MSH3: variants seen among roughly 807,000 people sequenced by gnomAD.
The protein encoded by MSH3 is mutS homolog 3.
In MSH3, 106 loss-of-function variants were observed where a neutral mutation model predicts 123.3. The ratio of observed to expected loss-of-function variants is 0.86; its 90% CI spans 0.73 to 1.01. MSH3 has a LOEUF of 1.01. Ranked by LOEUF, MSH3 falls within the 50% of genes least tolerant of loss-of-function variation. The probability of loss-of-function intolerance (pLI) is 0.00; values close to 1 mark genes in which losing one functional copy is unlikely to be tolerated. For missense variants in MSH3, 1,459 were observed against 1,347.6 expected (o/e 1.08, Z -1.29); for synonymous variants, 515 against 481.4 (o/e 1.07, Z -0.91).
At chr5:80,849,447 T>G (rs1738081815) in intron 20 of MSH3, among the ~76,000 whole-genome samples, 1 of 152,344 alleles carries the variant, frequency 6.6e-6, no homozygotes, top group African/African-American at 2.4e-5. Context: ...AGGTTCTCCA[T>G]GAGAGCTCTG....
chr5:80,729,430 A>AAAAG, intron 10 of MSH3, among the ~76,000 whole-genome samples: 1 of 78,374 alleles, frequency 1.3e-5, no homozygotes, highest in Non-Finnish European at 2.3e-5. Context: ...AAAAAAAAAA[A>AAAAG]TGTGTGTGTG....
At chr5:80,790,380 G>A (rs1391272517) in intron 18 of MSH3, among the ~76,000 whole-genome samples, 5 of 152,084 alleles carry the variant, frequency 3.3e-5, no homozygotes, top group Non-Finnish European at 7.4e-5. Context: ...CTTTAAAAAG[G>A]AGAGTAAAAC....
At chr5:80,687,512 G>A (rs1424275832) in intron 8 of MSH3, among the ~76,000 whole-genome samples, 1 of 152,156 alleles carries the variant, frequency 6.6e-6, no homozygotes, top group African/African-American at 2.4e-5. Flanking sequence ...AAGGAAGGCT[G>A]TATGAAGGAG....
chr5:80,754,478 T>TGACCTTGACCTC (rs1167630487), intron 12 of MSH3, among the ~76,000 whole-genome samples: 1 of 152,144 alleles, frequency 6.6e-6, no homozygotes, highest in East Asian at 1.9e-4. Context: ...CAAGGTATAA[T>TGACCTTGACCTC]CTACTAGTAA....
chr5:80,654,788 C>A lies in MSH3; in HGVS notation c.61C>A (p.Gln21Lys). Residue 21 changes from glutamine (Q) to lysine (K), a missense_variant, in exon 1 of 24, where the codon CAA becomes AAA. By Grantham distance (53) the Gln-to-Lys change is moderately conservative (BLOSUM62 1). Coordinates refer to ENST00000265081, the MANE Select transcript of MSH3 (RefSeq NM_002439.5). ...LAASSSAPAR[Q>K]AVLSRFFQST... Reference sequence around the variant, plus strand: ...TGCCTCCAGCTCAGCCCCTGCGAGGCAAGCGGTTTTGAGCCGATTCTTCCA... The same window carrying A: ...TGCCTCCAGCTCAGCCCCTGCGAGGAAAGCGGTTTTGAGCCGATTCTTCCA... The A allele has an allele frequency of 6.2e-7, 1 of 1,607,280 alleles. No homozygotes were observed. Among genetic ancestry groups the A allele is most frequent in the Non-Finnish European group, 8.5e-7 (1 of 1,177,438 alleles).
chr5:80,823,950 C>T (rs868773240), intron 20 of MSH3, among the ~76,000 whole-genome samples: 3 of 151,942 alleles, frequency 2.0e-5, no homozygotes, highest in Non-Finnish European at 4.4e-5. Context: ...CATCTTGCAC[C>T]GCCCTTAATC....
intron 17 of MSH3, among the ~76,000 whole-genome samples, chr5:80,787,311 A>G (rs2112019846): frequency 6.6e-6 from 1 of 152,354 alleles, no homozygotes; most frequent in South Asian, 2.1e-4. Flanking sequence ...AATCTGTGAT[A>G]TATTCTTAAT....
chr5:80,817,711 C>T (rs945920345), intron 20 of MSH3, among the ~76,000 whole-genome samples: 5 of 151,918 alleles, frequency 3.3e-5, no homozygotes, highest in Non-Finnish European at 7.4e-5. Flanking sequence ...AAATAGGTAA[C>T]GGGGAAGTTT....
At chr5:80,865,879 G>T (rs561133989) in intron 22 of MSH3, among the ~76,000 whole-genome samples, 1 of 152,184 alleles carries the variant, frequency 6.6e-6, no homozygotes, top group Non-Finnish European at 1.5e-5. Context: ...GTAATGTTAG[G>T]CAGTTCCTGC....
At chr5:80,691,150 A>G (rs1561443971) in intron 8 of MSH3, among the ~76,000 whole-genome samples, 1 of 152,076 alleles carries the variant, frequency 6.6e-6, no homozygotes, top group Non-Finnish European at 1.5e-5. Context: ...CTACGTATTT[A>G]AAATCCTAAA....
chr5:80,870,978 C>G (rs542675132), intron 22 of MSH3, among the ~76,000 whole-genome samples: 152 of 152,268 alleles, frequency 1.0e-3, no homozygotes, highest in African/African-American at 3.6e-3. Flanking sequence ...TACATAATAT[C>G]CTGAGCTGCT....
rs141227278 is a variant in MSH3, at chr5:80,795,436, G to A, written c.2655+2592G>A. Among the ~76,000 whole-genome samples the A allele has an allele frequency of 1.3e-4, 20 of 152,200 alleles. No individual in the cohort carries two copies. In the East Asian group the frequency reaches 1.6e-3, roughly 12 times the overall value. On this transcript the variant is annotated intron_variant, in intron 19 of 23. Transcript: ENST00000265081. The stretch of plus-strand genomic sequence containing the variant: ...CCAGCAGATTCAGTTTCTGGTGAGG[G>A]CCTGTTTCCTGGTTCCTAGATGACA...
chr5:80,875,297 T>G (rs1746288101), intron 23 of MSH3, among the ~76,000 whole-genome samples: 2 of 152,036 alleles, frequency 1.3e-5, no homozygotes, highest in South Asian at 4.1e-4. Flanking sequence ...AATAGTCAAT[T>G]GGGTTGCTAT....
At chr5:80,667,117 A>G (rs1025268663) in intron 3 of MSH3, among the ~76,000 whole-genome samples, 7 of 152,190 alleles carry the variant, frequency 4.6e-5, no homozygotes, top group African/African-American at 1.7e-4. Flanking sequence ...TTAATATTCA[A>G]GTATTTAGAT....
rs772032731 is a variant in MSH3, at chr5:80,656,441, C to T, written c.268C>T (p.Pro90Ser). The T allele has an allele frequency of 1.2e-6, 2 of 1,614,040 alleles. No homozygotes were observed. The highest frequency in any genetic ancestry group is 1.7e-5 in the Admixed American group (1 of 60,008). ...ATEIDRRKKR[P>S]LENDGPVKKK... ...AGAAATTGACAGAAGAAAGAAGAGA[C>T]CATTGGAAAATGATGGGCCTGTTAA... Residue 90 changes from proline (P) to serine (S), a missense_variant, in exon 2 of 24, where the codon CCA becomes TCA. Transcript: ENST00000265081.
At chr5:80,772,705 C>T (rs918642585) in intron 15 of MSH3, among the ~76,000 whole-genome samples, 1 of 151,856 alleles carries the variant, frequency 6.6e-6, no homozygotes, top group Admixed American at 6.6e-5. Flanking sequence ...ATTCTTAAAC[C>T]AAAGGCCTAC....
At chr5:80,682,985 A>C (rs190644251) in intron 8 of MSH3, among the ~76,000 whole-genome samples, 359 of 152,288 alleles carry the variant, frequency 2.4e-3, no homozygotes, top group Non-Finnish European at 3.7e-3. Context: ...GGCTTATTTC[A>C]TGTAAAATAA....
At chr5:80,771,403 G>C (rs1309668577) in intron 15 of MSH3, among the ~76,000 whole-genome samples, 1 of 151,442 alleles carries the variant, frequency 6.6e-6, no homozygotes, top group African/African-American at 2.4e-5. Flanking sequence ...ACTTGAGCCT[G>C]ACAGGCTGAA....
intron 18 of MSH3, among the ~76,000 whole-genome samples, chr5:80,792,116 T>A (rs1251432006): frequency 2.0e-5 from 3 of 152,226 alleles, no homozygotes; most frequent in Non-Finnish European, 2.9e-5. Context: ...TATTAATAAT[T>A]ACATCTAGAA....
Sources: allele counts gnomAD v4.1 joint callset (sites outside exome capture counted in the v4.1 genomes callset), GRCh38; gene constraint gnomAD v4.1.1; transcripts MANE v1.5; gene names NCBI Gene and HGNC (gene_info 2026-07-23, HGNC 2026-07-21).